The following KLHL18 variants were observed in gnomAD, a reference collection of about 807,000 sequenced individuals.
The protein encoded by KLHL18 is kelch like family member 18.
A neutral mutation model predicts 58.5 loss-of-function variants in KLHL18; 38 were observed. That is an observed-to-expected ratio of 0.65 (90% CI 0.50 to 0.85). The LOEUF is 0.85. Ranked by LOEUF, KLHL18 falls within the 40% of genes least tolerant of loss-of-function variation. KLHL18 has a pLI of 0.00. For synonymous variants in KLHL18, 303 were observed against 301.9 expected (o/e 1.00, Z -0.04); for missense variants, 624 against 778.4 (o/e 0.80, Z 2.36).
chr3:47,305,788 ATTATAAGGCTTTTCAATTATTCCCCC>A lies in KLHL18; in HGVS notation c.130-13864_130-13839del, dbSNP rs1283723060. Among the ~76,000 whole-genome samples, 10 of 152,194 alleles carry A rather than the reference ATTATAAGGCTTTTCAATTATTCCCCC, an allele frequency of 6.6e-5. No homozygotes were observed. In the East Asian group the frequency reaches 1.9e-3, roughly 29 times the overall value. On this transcript the variant is annotated intron_variant, in intron 1 of 9. Transcript: ENST00000232766. ...AATTACAGATTTAGTTTTCTTGTTA[ATTATAAGGCTTTTCAATTATTCCCCC>A]ATCTTGGGTAAGTTGTCATTTTCAA...
chr3:47,333,111 C>T, intron 4 of KLHL18, 46 bp from the exon 5 acceptor site: 1 of 1,591,628 alleles, frequency 6.3e-7, no homozygotes, highest in Non-Finnish European at 8.6e-7. Context: ...GGGGTGTGGC[C>T]TCTGGGTGGG....
intron 8 of KLHL18, among the ~76,000 whole-genome samples, chr3:47,342,445 G>C (rs955690548): frequency 2.1e-4 from 32 of 152,246 alleles, no homozygotes; most frequent in African/African-American, 7.2e-4. Flanking sequence ...TAACAAGGCA[G>C]GGAGTGCAGG....
intron 6 of KLHL18, among the ~76,000 whole-genome samples, chr3:47,336,273 T>C (rs767096565): frequency 6.6e-5 from 10 of 152,196 alleles, no homozygotes; most frequent in Non-Finnish European, 1.3e-4. Flanking sequence ...CCTTTGGCTT[T>C]AAGCAGGTGG....
intron 1 of KLHL18, among the ~76,000 whole-genome samples, chr3:47,295,938 G>A (rs141617165): frequency 7.2e-5 from 11 of 152,178 alleles, no homozygotes; most frequent in Non-Finnish European, 1.3e-4. Context: ...CACAGTGGGG[G>A]GTTGTGTGAA....
In KLHL18 at chr3:47,344,078, G is replaced by A. The variant is rs957352664; in HGVS notation, c.*137G>A. Reference sequence around the variant, plus strand: ...CTCGCCGGAGGTACAGTTTTTCCAGGTGCTTAAGCCCTCCCCCACTGTGCC... The same window carrying A: ...CTCGCCGGAGGTACAGTTTTTCCAGATGCTTAAGCCCTCCCCCACTGTGCC... On this transcript the variant is annotated 3_prime_UTR_variant, in exon 10 of 10. Coordinates refer to ENST00000232766, the MANE Select transcript of KLHL18 (RefSeq NM_025010.5). The A allele has an allele frequency of 3.5e-6, 4 of 1,158,482 alleles. No individual in the cohort carries two copies. Among genetic ancestry groups the A allele is most frequent in the Non-Finnish European group, 4.8e-6 (4 of 838,636 alleles). The allele number at this position is 1,158,482 out of a possible 1,614,324, so 71.8% of individuals were successfully genotyped here.
intron 9 of KLHL18, 75 bp downstream of exon 9, chr3:47,342,905 A>T: frequency 8.6e-7 from 1 of 1,168,676 alleles, no homozygotes; most frequent in East Asian, 2.3e-5. Context: ...TCATTATTTG[A>T]AAAAACTTCA....
chr3:47,289,008 T>G (rs1180303479), intron 1 of KLHL18, among the ~76,000 whole-genome samples: 1 of 152,226 alleles, frequency 6.6e-6, no homozygotes, highest in Non-Finnish European at 1.5e-5. Context: ...GAGTTTTTCT[T>G]CTTATTCATG....
intron 1 of KLHL18, among the ~76,000 whole-genome samples, chr3:47,292,378 G>A (rs1477127952): frequency 6.6e-6 from 1 of 151,960 alleles, no homozygotes; most frequent in East Asian, 1.9e-4. Flanking sequence ...GGAGGCTGAG[G>A]CGGGAGAATT....
At chr3:47,331,244 A>G (rs1296672372) in intron 4 of KLHL18, among the ~76,000 whole-genome samples, 1 of 151,896 alleles carries the variant, frequency 6.6e-6, no homozygotes, top group Non-Finnish European at 1.5e-5. Flanking sequence ...CTCCTGCTTC[A>G]GCCTCCCAAG....
At chr3:47,293,095 A>G (rs1396929406) in intron 1 of KLHL18, among the ~76,000 whole-genome samples, 3 of 152,186 alleles carry the variant, frequency 2.0e-5, no homozygotes, top group Non-Finnish European at 2.9e-5. Flanking sequence ...TCATGAAGAC[A>G]GAAAGTGGAA....
intron 1 of KLHL18, among the ~76,000 whole-genome samples, chr3:47,318,160 T>G (rs1284635204): frequency 6.6e-6 from 1 of 152,210 alleles, no homozygotes; most frequent in African/African-American, 2.4e-5. Flanking sequence ...CCACCCTGCG[T>G]CCGGCCCAAA....
intron 1 of KLHL18, among the ~76,000 whole-genome samples, chr3:47,290,992 A>G (rs1297502415): frequency 6.6e-6 from 1 of 152,122 alleles, no homozygotes; most frequent in Non-Finnish European, 1.5e-5. Flanking sequence ...AGCCTGGACT[A>G]TCCGTTACCA....
At chr3:47,325,360 G>A (rs1282055447) in intron 3 of KLHL18, among the ~76,000 whole-genome samples, 2 of 152,036 alleles carry the variant, frequency 1.3e-5, no homozygotes, top group East Asian at 3.9e-4. Flanking sequence ...ACCACGCCTG[G>A]CTAATTTTTT....
intron 1 of KLHL18, 83 bp downstream of exon 1, chr3:47,283,177 G>T: frequency 8.5e-7 from 1 of 1,177,942 alleles, no homozygotes. Context: ...AGAAAGAGAG[G>T]TCTAGCAGGG....
intron 6 of KLHL18, among the ~76,000 whole-genome samples, chr3:47,335,654 C>T (rs562242604): frequency 6.6e-6 from 1 of 152,224 alleles, no homozygotes; most frequent in South Asian, 2.1e-4. Context: ...ACTACAAGCT[C>T]ATGCTACCAC....
chr3:47,325,998 A>T (rs2107639738), intron 3 of KLHL18, among the ~76,000 whole-genome samples: 1 of 151,912 alleles, frequency 6.6e-6, no homozygotes, highest in East Asian at 1.9e-4. Flanking sequence ...CCCAGGCAGG[A>T]ATGCAGTGGC....
At chr3:47,311,242 C>T (rs371825517) in intron 1 of KLHL18, among the ~76,000 whole-genome samples, 8 of 152,152 alleles carry the variant, frequency 5.3e-5, no homozygotes, top group African/African-American at 1.7e-4. Context: ...ATCTTCTGGC[C>T]TCTTGATACT....
intron 1 of KLHL18, among the ~76,000 whole-genome samples, chr3:47,307,330 C>T (rs1039697640): frequency 2.0e-5 from 3 of 152,206 alleles, no homozygotes; most frequent in Non-Finnish European, 4.4e-5. Flanking sequence ...ACCTCAGCCT[C>T]CCAAAGTGCT....
At position 47,283,106 on chromosome 3, in the gene KLHL18, T is replaced by A. The variant is rs1041489701; in HGVS notation, c.129+12T>A. The stretch of plus-strand genomic sequence containing the variant: ...ACGTGACCCTCAAGGTACCGCGGAC[T>A]GGGCGGCAGCGGGCTGAGGGAAAAG... On this transcript the variant is annotated intron_variant, in intron 1 of 9. Transcript: ENST00000232766. The A allele has an allele frequency of 3.9e-6, 6 of 1,537,612 alleles. No individual in the cohort carries two copies. The highest frequency in any genetic ancestry group is 1.5e-5 in the African/African-American group (1 of 67,896).
Sources: gnomAD v4.1 joint callset for allele counts (sites outside exome capture counted in the v4.1 genomes callset) on GRCh38, gnomAD v4.1.1 for gene constraint, MANE v1.5 for transcripts, NCBI Gene and HGNC (gene_info 2026-07-23, HGNC 2026-07-21) for gene names.